Variants in RANBP2 observed in about 807,000 individuals in gnomAD.
RANBP2 encodes RAN binding protein 2.
RANBP2 carries 57 observed loss-of-function variants against 303.6 expected under a neutral mutation model. The observed-to-expected ratio is 0.19, with a 90% CI of 0.15 to 0.23. The LOEUF is 0.23. RANBP2 is among the 10% of genes least tolerant of loss of function. RANBP2 has a pLI of 1.00. For missense variants in RANBP2, 3,138 were observed against 3,780.8 expected (o/e 0.83, Z 4.46); for synonymous variants, 1,167 against 1,301.5 (o/e 0.90, Z 2.23).
the RANBP2 span, among the ~76,000 whole-genome samples, chr2:109,088,671 C>T: frequency 5.9e-5 from 9 of 152,082 alleles, no homozygotes; most frequent in Non-Finnish European, 8.8e-5. Flanking sequence ...ACCACCACAC[C>T]TGGCTAATTT....
the RANBP2 span, among the ~76,000 whole-genome samples, chr2:108,837,923 G>A: frequency 3.3e-5 from 5 of 151,018 alleles, no homozygotes; most frequent in Middle Eastern, 3.4e-3. Flanking sequence ...TAATTTTTTC[G>A]ATTTTTTTTT....
the RANBP2 span, among the ~76,000 whole-genome samples, chr2:109,272,324 C>G: frequency 6.6e-6 from 1 of 152,232 alleles, no homozygotes; most frequent in South Asian, 2.1e-4. Context: ...GAGGGTACCT[C>G]TGAAAAGCAA....
At chr2:108,721,372 G>A (rs577517324) in intron 1 of RANBP2, among the ~76,000 whole-genome samples, 1 of 152,288 alleles carries the variant, frequency 6.6e-6, no homozygotes, top group East Asian at 1.9e-4. Context: ...ATATGAATGT[G>A]ATGATAGAGT....
the RANBP2 span, chr2:109,614,292 CG>C: frequency 1.9e-6 from 1 of 514,700 alleles, no homozygotes. Context: ...GGCGTGGGCG[CG>C]GGGCGGGGGT....
chr2:109,176,022 T>A, the RANBP2 span, among the ~76,000 whole-genome samples: 1 of 152,218 alleles, frequency 6.6e-6, no homozygotes, highest in Non-Finnish European at 1.5e-5. Context: ...TTCTGCATGT[T>A]ATATCCTTGA....
At chr2:109,536,161 G>T in the RANBP2 span, among the ~76,000 whole-genome samples, 1 of 152,080 alleles carries the variant, frequency 6.6e-6, no homozygotes. Flanking sequence ...GGAGCTGTGA[G>T]AAAAGGACCA....
the RANBP2 span, among the ~76,000 whole-genome samples, chr2:108,838,234 A>G: frequency 1.3e-5 from 2 of 152,180 alleles, no homozygotes; most frequent in African/African-American, 2.4e-5. Flanking sequence ...ACTTTGCTGT[A>G]TCTAAGAATT....
the RANBP2 span, among the ~76,000 whole-genome samples, chr2:109,149,287 G>C: frequency 6.6e-6 from 1 of 152,336 alleles, no homozygotes; most frequent in Non-Finnish European, 1.5e-5. Context: ...TTCTCTGGGA[G>C]ATCCATTGGC....
the RANBP2 span, among the ~76,000 whole-genome samples, chr2:109,642,014 C>G: frequency 1.3e-5 from 2 of 152,098 alleles, no homozygotes; most frequent in Admixed American, 6.6e-5. Flanking sequence ...TCATGTTGAC[C>G]AGGCTGGTCT....
the RANBP2 span, among the ~76,000 whole-genome samples, chr2:109,680,587 T>C: frequency 6.6e-6 from 1 of 152,192 alleles, no homozygotes; most frequent in Non-Finnish European, 1.5e-5. Context: ...GCACTTCCCA[T>C]GTGGGAATAG....
At chr2:109,430,339 C>T in the RANBP2 span, among the ~76,000 whole-genome samples, 128 of 152,330 alleles carry the variant, frequency 8.4e-4, no homozygotes, top group African/African-American at 2.9e-3. Context: ...TCAATTTGTG[C>T]GTCATTGTTA....
the RANBP2 span, among the ~76,000 whole-genome samples, chr2:109,467,545 C>T: frequency 1.3e-5 from 2 of 152,320 alleles, no homozygotes; most frequent in East Asian, 1.9e-4. Context: ...CAATGCACAT[C>T]GCCCAGATGG....
At chr2:109,547,738 AAAC>A in the RANBP2 span, among the ~76,000 whole-genome samples, 14 of 152,244 alleles carry the variant, frequency 9.2e-5, no homozygotes, top group Non-Finnish European at 1.5e-4. Flanking sequence ...GGAAGCTTTA[AAAC>A]AACTGGGATA....
the RANBP2 span, among the ~76,000 whole-genome samples, chr2:109,507,610 C>A: frequency 6.6e-6 from 1 of 152,166 alleles, no homozygotes; most frequent in Non-Finnish European, 1.5e-5. Context: ...CAGAACTTGA[C>A]CCCTCCCTCA....
the RANBP2 span, among the ~76,000 whole-genome samples, chr2:109,234,306 A>G: frequency 6.6e-6 from 1 of 152,236 alleles, no homozygotes; most frequent in Non-Finnish European, 1.5e-5. Context: ...CATATAGGAA[A>G]ACTTTAGGTT....
the RANBP2 span, among the ~76,000 whole-genome samples, chr2:109,339,547 G>A: frequency 6.6e-6 from 1 of 152,282 alleles, no homozygotes; most frequent in South Asian, 2.1e-4. Context: ...TGGTAGATGG[G>A]GCCGACCAGG....
the RANBP2 span, among the ~76,000 whole-genome samples, chr2:109,516,288 C>T: frequency 2.0e-5 from 3 of 152,304 alleles, no homozygotes; most frequent in South Asian, 6.2e-4. Flanking sequence ...GGGGGGCAGC[C>T]CTCTCCCCTG....
chr2:109,363,301 T>C, the RANBP2 span, among the ~76,000 whole-genome samples: 2 of 152,190 alleles, frequency 1.3e-5, no homozygotes, highest in Non-Finnish European at 2.9e-5. Flanking sequence ...AAGCCCACTT[T>C]CAAATAACTG....
At chr2:109,200,825 C>G in the RANBP2 span, among the ~76,000 whole-genome samples, 1 of 152,228 alleles carries the variant, frequency 6.6e-6, no homozygotes, top group African/African-American at 2.4e-5. Context: ...GTTCACAGGA[C>G]AAGAGAAAAG....
Sources: allele counts gnomAD v4.1 joint callset (sites outside exome capture counted in the v4.1 genomes callset), GRCh38; gene constraint gnomAD v4.1.1; transcripts MANE v1.5; gene names NCBI Gene and HGNC (gene_info 2026-07-23, HGNC 2026-07-21).